Variants in NKAIN2 observed in about 807,000 individuals in gnomAD.
The protein encoded by NKAIN2 is sodium/potassium transporting ATPase interacting 2.
NKAIN2 carries 14 observed loss-of-function variants against 32.6 expected under a neutral mutation model. The ratio of observed to expected loss-of-function variants is 0.43; its 90% CI spans 0.28 to 0.67. The LOEUF (loss-of-function observed/expected upper bound fraction) is 0.67, where lower values mean the gene tolerates loss of function less well. NKAIN2 is among the 30% of genes least tolerant of loss of function. The pLI is 0.17. For synonymous variants in NKAIN2, 80 were observed against 87.2 expected, an observed-to-expected ratio of 0.92 and a Z score of 0.46; for missense variants, 198 against 258.3, an observed-to-expected ratio of 0.77 and a Z score of 1.60.
At chr6:123,959,889 C>T (rs1167552179) in intron 1 of NKAIN2, among the ~76,000 whole-genome samples, 1 of 150,218 alleles carries the variant, frequency 6.7e-6, no homozygotes, top group African/African-American at 2.5e-5. Flanking sequence ...GCAAGTTCTT[C>T]CGGAGTCAGA....
At chr6:123,838,084 A>G (rs1326263638) in intron 1 of NKAIN2, among the ~76,000 whole-genome samples, 3 of 152,178 alleles carry the variant, frequency 2.0e-5, no homozygotes, top group Non-Finnish European at 4.4e-5. Context: ...ATTTTCCAGG[A>G]AAGAATGGCA....
intron 1 of NKAIN2, chr6:124,121,918 T>C (rs1785903680): frequency 8.1e-7 from 1 of 1,238,414 alleles, no homozygotes; most frequent in South Asian, 1.3e-5. Context: ...TCTCTTATTA[T>C]ATTGTCCCAC....
At chr6:124,559,100 G>A (rs191964547) in intron 3 of NKAIN2, among the ~76,000 whole-genome samples, 85 of 152,206 alleles carry the variant, frequency 5.6e-4, no homozygotes, top group Non-Finnish European at 8.2e-4. Flanking sequence ...TTTACTCCTC[G>A]TATTCTAATA....
intron 3 of NKAIN2, among the ~76,000 whole-genome samples, chr6:124,466,976 A>AC (rs1351301082): frequency 2.6e-4 from 39 of 152,274 alleles, no homozygotes; most frequent in African/African-American, 9.4e-4. Flanking sequence ...TTTCATAATT[A>AC]TAAAAAATAT....
Position 124,196,824 on chromosome 6 carries a change from G to A in NKAIN2, c.55-86181G>A, listed in dbSNP as rs1399726285. 2.6e-5 allele frequency among the ~76,000 whole-genome samples: 4 copies of A among 151,648 alleles called. No homozygotes were observed. The East Asian group carries it at 5.8e-4, about 22-fold the overall frequency. On this transcript the variant is annotated intron_variant, in intron 1 of 6. Transcript: ENST00000368417. The stretch of plus-strand genomic sequence containing the variant: ...TAATTTATTTTATAAAAGTTTATTC[G>A]TGCTTGCTTTATTAATATGTTTTCA...
chr6:124,514,765 GAAAA>G (rs546177544), intron 3 of NKAIN2, among the ~76,000 whole-genome samples: 1 of 110,336 alleles, frequency 9.1e-6, no homozygotes, highest in Non-Finnish European at 2.0e-5. Context: ...CTTGGGTATT[GAAAA>G]AAAAAAAAAA....
intron 1 of NKAIN2, among the ~76,000 whole-genome samples, chr6:124,126,690 G>A (rs1289219789): frequency 6.6e-6 from 1 of 152,184 alleles, no homozygotes; most frequent in Non-Finnish European, 1.5e-5. Flanking sequence ...GGGAGGCCAA[G>A]GTGAGAGGAT....
chr6:124,269,438 T>C (rs1794648357), intron 1 of NKAIN2, among the ~76,000 whole-genome samples: 2 of 53,680 alleles, frequency 3.7e-5, no homozygotes, highest in South Asian at 7.8e-4. Flanking sequence ...TTTTCTTTTC[T>C]TTCTTTCTTT....
intron 1 of NKAIN2, among the ~76,000 whole-genome samples, chr6:124,204,597 C>G (rs1245330898): frequency 6.6e-6 from 1 of 151,722 alleles, no homozygotes; most frequent in Non-Finnish European, 1.5e-5. Context: ...AATGTGACAA[C>G]TATACCAATA....
At chr6:124,545,295 G>T (rs933930937) in intron 3 of NKAIN2, among the ~76,000 whole-genome samples, 4 of 152,078 alleles carry the variant, frequency 2.6e-5, no homozygotes, top group African/African-American at 9.7e-5. Flanking sequence ...CTAGTTTCCT[G>T]ATTAGAAACA....
chr6:123,870,546 C>CA (rs1772817982), intron 1 of NKAIN2, among the ~76,000 whole-genome samples: 2 of 152,098 alleles, frequency 1.3e-5, no homozygotes, highest in Non-Finnish European at 2.9e-5. Context: ...ATATGTGGAC[C>CA]ATCCTAATGC....
At chr6:123,823,302 G>A (rs1386591770) in intron 1 of NKAIN2, 1 of 152,198 alleles carries the variant, frequency 6.6e-6, no homozygotes, top group African/African-American at 2.4e-5. Context: ...TGTGGTAAGA[G>A]TGAAAATAAT....
chr6:123,995,830 A>G (rs1356057844), intron 1 of NKAIN2, among the ~76,000 whole-genome samples: 1 of 152,198 alleles, frequency 6.6e-6, no homozygotes, highest in Non-Finnish European at 1.5e-5. Context: ...AAAGCCTCCA[A>G]CAGAACGAAC....
chr6:124,121,511 T>G (rs1404881630), intron 1 of NKAIN2, among the ~76,000 whole-genome samples: 1 of 152,096 alleles, frequency 6.6e-6, no homozygotes, highest in Non-Finnish European at 1.5e-5. Flanking sequence ...ACATCATTGA[T>G]GCAATCAGAG....
intron 4 of NKAIN2, among the ~76,000 whole-genome samples, chr6:124,772,073 G>C (rs1310996866): frequency 6.6e-6 from 1 of 152,146 alleles, no homozygotes; most frequent in Non-Finnish European, 1.5e-5. Flanking sequence ...GAAAGAGTGA[G>C]AAAGATATTT....
At chr6:123,916,732 ATGTG>A (rs537844977) in intron 1 of NKAIN2, among the ~76,000 whole-genome samples, 1 of 150,568 alleles carries the variant, frequency 6.6e-6, no homozygotes, top group African/African-American at 2.4e-5. Flanking sequence ...GTAGATATAT[ATGTG>A]TGTGTGTGTG....
chr6:123,933,047 C>G (rs763432976), intron 1 of NKAIN2, among the ~76,000 whole-genome samples: 4 of 152,184 alleles, frequency 2.6e-5, no homozygotes, highest in Non-Finnish European at 4.4e-5. Flanking sequence ...CCAACATCAG[C>G]AATTCTTAGC....
At chr6:124,565,932 C>T (rs1032123455) in intron 3 of NKAIN2, among the ~76,000 whole-genome samples, 1 of 152,078 alleles carries the variant, frequency 6.6e-6, no homozygotes, top group African/African-American at 2.4e-5. Context: ...AAATAAAAAC[C>T]ACTAAATTCA....
chr6:124,361,001 TC>T (rs1799263997), intron 3 of NKAIN2, among the ~76,000 whole-genome samples: 2 of 152,134 alleles, frequency 1.3e-5, no homozygotes, highest in Admixed American at 1.3e-4. Context: ...CAATTGTGGT[TC>T]CCTTGATCAT....
Sources: allele counts gnomAD v4.1 joint callset (sites outside exome capture counted in the v4.1 genomes callset), GRCh38; gene constraint gnomAD v4.1.1; transcripts MANE v1.5; gene names NCBI Gene and HGNC (gene_info 2026-07-23, HGNC 2026-07-21).